The following HEATR4 variants were observed in gnomAD, a reference collection of about 807,000 sequenced individuals.
HEATR4 encodes HEAT repeat containing 4.
HEATR4 carries 95 observed loss-of-function variants against 108.8 expected under a neutral mutation model. That is an observed-to-expected ratio of 0.87 (90% confidence interval 0.74 to 1.04). The LOEUF is 1.04. Among genes scored for constraint, HEATR4 ranks in the 50% least tolerant of loss-of-function variants. The probability of loss-of-function intolerance (pLI) is 0.00; values close to 1 mark genes in which losing one functional copy is unlikely to be tolerated. For synonymous variants in HEATR4, 443 were observed against 459.4 expected, an observed-to-expected ratio of 0.96 and a Z score of 0.46; for missense variants, 1,152 against 1,253.8, an observed-to-expected ratio of 0.92 and a Z score of 1.23.
At chr14:73,593,837 A>G in the HEATR4 span, 14 of 1,613,990 alleles carry the variant, frequency 8.7e-6, no homozygotes, top group South Asian at 1.2e-4. Context: ...GATCTCCCCA[A>G]TAACATGGAC....
At chr14:73,538,773 G>T (rs1314152343) in intron 1 of HEATR4, among the ~76,000 whole-genome samples, 1 of 113,550 alleles carries the variant, frequency 8.8e-6, no homozygotes, top group Non-Finnish European at 1.9e-5. Context: ...TTCGAGACCA[G>T]CCTGGCCAAC....
At chr14:73,569,394 C>G in the HEATR4 span, 1 of 1,613,988 alleles carries the variant, frequency 6.2e-7, no homozygotes. Context: ...ACAGCTGAGG[C>G]AGGTTGGTCA....
chr14:73,493,419 A>C, intron 16 of HEATR4: 1 of 321,684 alleles, frequency 3.1e-6, no homozygotes, highest in Non-Finnish European at 6.0e-6. Context: ...CTAGATTATT[A>C]TGTGGGATGG....
chr14:73,504,786 A>G (rs1423713660), intron 10 of HEATR4, among the ~76,000 whole-genome samples: 2 of 152,232 alleles, frequency 1.3e-5, no homozygotes, highest in African/African-American at 4.8e-5. Flanking sequence ...ATCCAAAGTT[A>G]TAAGGAAAAG....
chr14:73,561,036 AAG>A (rs1889524447), upstream of HEATR4, among the ~76,000 whole-genome samples: 1 of 152,094 alleles, frequency 6.6e-6, no homozygotes, highest in Non-Finnish European at 1.5e-5. Flanking sequence ...CAAAATGTGG[AAG>A]ATACATACAA....
Position 73,508,313 on chromosome 14 carries a change from A to G in HEATR4, c.1721-19T>C. 6.2e-7 allele frequency: 1 copy of G among 1,612,380 alleles called. No homozygotes were observed. Among genetic ancestry groups the G allele is most frequent in the Non-Finnish European group, 8.5e-7 (1 of 1,179,440 alleles). ...CTGTTACCTGCCACAGTTGGGTGAAAAAGAGTTCAGAATGGTGATGTGTTT... is the reference window on the plus strand; with the variant it reads ...CTGTTACCTGCCACAGTTGGGTGAAGAAGAGTTCAGAATGGTGATGTGTTT... On this transcript the variant is annotated intron_variant, in intron 8 of 17. Coordinates refer to ENST00000553558, the MANE Select transcript of HEATR4 (RefSeq NM_001220484.1).
chr14:73,479,413 G>A (rs1167585188), intron 17 of HEATR4, among the ~76,000 whole-genome samples: 1 of 129,194 alleles, frequency 7.7e-6, no homozygotes. Flanking sequence ...TGCGCCCGGC[G>A]TTTTTTTTTC....
the HEATR4 span, among the ~76,000 whole-genome samples, chr14:73,589,640 GCTT>G: frequency 6.6e-6 from 1 of 152,142 alleles, no homozygotes; most frequent in Non-Finnish European, 1.5e-5. Flanking sequence ...TCATCAAAAA[GCTT>G]TTTTTAAGTA....
rs1888728526 is a variant in HEATR4, at chr14:73,532,245, ATC to A, written c.-151-2003_-151-2002del. 1.8e-5 allele frequency among the ~76,000 whole-genome samples: 2 copies of A among 113,856 alleles called. 1 individual carries two copies. Among genetic ancestry groups the A allele is most frequent in the Non-Finnish European group, 3.8e-5 (2 of 52,388 alleles). 74.7% of individuals were successfully genotyped at this position (113,856 alleles called of 152,430 possible). Reference sequence around the variant, plus strand: ...CTTTCAGCTCCTCCACTGCTACTTAATCTCCTTTGCCCACACAGTTCAATCCT... The same window carrying A: ...CTTTCAGCTCCTCCACTGCTACTTAATCCTTTGCCCACACAGTTCAATCCT... On this transcript the variant is annotated intron_variant, in intron 1 of 17. Coordinates refer to ENST00000553558, the MANE Select transcript of HEATR4 (RefSeq NM_001220484.1).
the HEATR4 span, chr14:73,593,823 TG>T: frequency 2.5e-5 from 41 of 1,614,134 alleles, 1 homozygote; most frequent in South Asian, 4.5e-4. Context: ...ATTATAACTT[TG>T]AAGATCTCCC....
At chr14:73,511,232 G>T (rs1489302598) in intron 7 of HEATR4, among the ~76,000 whole-genome samples, 1 of 152,148 alleles carries the variant, frequency 6.6e-6, no homozygotes, top group African/African-American at 2.4e-5. Flanking sequence ...TTAAGATTTT[G>T]TCAGGTGCGG....
Position 73,500,681 on chromosome 14 carries a change from G to A in HEATR4, c.2155C>T (p.Leu719=). 6.2e-7 allele frequency: 1 copy of A among 1,614,148 alleles called. No individual in the cohort carries two copies. Among genetic ancestry groups the A allele is most frequent in the Non-Finnish European group, 8.5e-7 (1 of 1,179,996 alleles). The part of the protein sequence containing the change: ...NSQERVEALY[L]IGELKLMTAK... ...GTCATAAGCTTGAGCTCACCTATCA[G>A]GTAGAGAGCTTCCACACGCTCCTGG... The change falls in exon 12 of 18, where the codon CTG becomes TTG. Residue 719 remains leucine (L), a synonymous_variant. Transcript: ENST00000553558.
upstream of HEATR4, among the ~76,000 whole-genome samples, chr14:73,562,869 T>C (rs137929316): frequency 5.8e-3 from 887 of 152,110 alleles, 2 homozygotes; most frequent in African/African-American, 0.02. Context: ...CATGCACCGC[T>C]GAACACAACC....
the HEATR4 span, among the ~76,000 whole-genome samples, chr14:73,588,894 G>A: frequency 1.3e-5 from 2 of 151,944 alleles, no homozygotes; most frequent in Non-Finnish European, 2.9e-5. Context: ...TGAGCTATCT[G>A]GGTTGTTTAC....
the HEATR4 span, among the ~76,000 whole-genome samples, chr14:73,609,083 C>T: frequency 6.6e-6 from 1 of 152,182 alleles, no homozygotes; most frequent in Non-Finnish European, 1.5e-5. Flanking sequence ...GGTGGGGACA[C>T]AGCCAAACCA....
At chr14:73,493,224 A>T (rs1885903381) in intron 16 of HEATR4, 100 bp from the exon 17 acceptor site, 1 of 880,072 alleles carries the variant, frequency 1.1e-6, no homozygotes. Flanking sequence ...GCTTCAGTGT[A>T]CTGGGTAACA....
At chr14:73,540,742 C>CT (rs200357086) in intron 1 of HEATR4, among the ~76,000 whole-genome samples, 6,456 of 81,028 alleles carry the variant, frequency 0.08, 123 homozygotes, top group African/African-American at 0.13. Flanking sequence ...TGTTTGCATT[C>CT]TTTTTTTTTT....
the HEATR4 span, among the ~76,000 whole-genome samples, chr14:73,597,591 C>CTTTTTTTTTTTTTTTTTTTTTTTTTTT: frequency 5.1e-5 from 5 of 98,196 alleles, no homozygotes; most frequent in Admixed American, 1.3e-4. Context: ...TTTTTCTTTT[C>CTTTTTTTTTTTTTTTTTTTTTTTTTTT]TTTTTTTTTT....
At chr14:73,593,943 A>G in the HEATR4 span, 2 of 1,548,722 alleles carry the variant, frequency 1.3e-6, no homozygotes, top group Non-Finnish European at 1.8e-6. Flanking sequence ...TCTCTCTAGA[A>G]ATATTTCCAT....
Sources: allele counts gnomAD v4.1 joint callset (sites outside exome capture counted in the v4.1 genomes callset), GRCh38; gene constraint gnomAD v4.1.1; transcripts MANE v1.5; gene names NCBI Gene and HGNC (gene_info 2026-07-23, HGNC 2026-07-21).